CDH8: variants seen among roughly 807,000 people sequenced by gnomAD.
CDH8 encodes cadherin 8.
CDH8 carries 17 observed loss-of-function variants against 68.1 expected under a neutral mutation model. The ratio of observed to expected loss-of-function variants is 0.25; its 90% CI spans 0.17 to 0.37. The LOEUF is 0.37. Ranked by LOEUF, CDH8 falls within the 10% of genes least tolerant of loss-of-function variation. The pLI is 1.00. For missense variants in CDH8, 763 were observed against 999.3 expected, an observed-to-expected ratio of 0.76 and a Z score of 3.19; for synonymous variants, 372 against 365.1, an observed-to-expected ratio of 1.02 and a Z score of -0.21.
At chr16:61,984,871 C>T (rs1965600014) in intron 2 of CDH8, among the ~76,000 whole-genome samples, 1 of 151,970 alleles carries the variant, frequency 6.6e-6, no homozygotes, top group Non-Finnish European at 1.5e-5. Context: ...ATATTTTTTC[C>T]ATATAGATAA....
intron 10 of CDH8, among the ~76,000 whole-genome samples, chr16:61,682,077 A>G (rs1049870776): frequency 1.3e-5 from 2 of 151,948 alleles, no homozygotes; most frequent in Non-Finnish European, 2.9e-5. Context: ...CTGCTGTTCA[A>G]CTTACTCTTC....
In CDH8 at chr16:61,713,914, G is replaced by A. The variant is rs374744513; in HGVS notation, c.1581C>T (p.Asn527=). 7.7e-5 allele frequency: 124 copies of A among 1,609,214 alleles called. No individual in the cohort carries two copies. Among genetic ancestry groups the A allele is most frequent in the Middle Eastern group, 1.6e-4 (1 of 6,062 alleles). ...VSAMDKDDPK[N]GHYFLYSLLP... ...GGAGACTGTATAAGAAATAATGTCC[G>A]TTTTTGGGATCATCTTTGTCCATGG... is the stretch of plus-strand genomic sequence containing the variant. The change falls in exon 10 of 12, where the codon AAC becomes AAT. Residue 527 remains asparagine (N), a synonymous_variant. Coordinates refer to ENST00000577390, the MANE Select transcript of CDH8 (RefSeq NM_001796.5).
chr16:61,709,270 A>G (rs1964585861), intron 10 of CDH8, among the ~76,000 whole-genome samples: 1 of 152,094 alleles, frequency 6.6e-6, no homozygotes, highest in Non-Finnish European at 1.5e-5. Flanking sequence ...TGCTATGTAT[A>G]TCAGCATATA....
Position 61,665,671 on chromosome 16 carries a change from G to GA in CDH8, c.1655-9951dup, listed in dbSNP as rs199890584. Reference sequence around the variant, plus strand: ...TGTATCCCAGAACTTTAAGTTTAAAGAAAAAAAAACAGATAGACTGTGCCT... The same window carrying GA: ...TGTATCCCAGAACTTTAAGTTTAAAGAAAAAAAAAACAGATAGACTGTGCCT... On this transcript the variant is annotated intron_variant, in intron 10 of 11. Transcript: ENST00000577390. Among the ~76,000 whole-genome samples the GA allele has an allele frequency of 2.8e-3, 413 of 148,948 alleles. 2 individuals are homozygous for GA. Among genetic ancestry groups the GA allele is most frequent in the African/African-American group, 9.1e-3 (371 of 40,656 alleles).
intron 7 of CDH8, among the ~76,000 whole-genome samples, chr16:61,798,763 A>C (rs1354322474): frequency 6.6e-6 from 1 of 152,226 alleles, no homozygotes; most frequent in African/African-American, 2.4e-5. Context: ...GAAGTGAAGA[A>C]GTCTTGAAGA....
At chr16:61,914,247 C>G (rs925946320) in intron 2 of CDH8, among the ~76,000 whole-genome samples, 1 of 152,152 alleles carries the variant, frequency 6.6e-6, no homozygotes, top group Admixed American at 6.5e-5. Flanking sequence ...CTTAAGTCAC[C>G]CAGTCTGTGG....
At chr16:61,998,003 A>G (rs1428581713) in intron 2 of CDH8, among the ~76,000 whole-genome samples, 1 of 152,192 alleles carries the variant, frequency 6.6e-6, no homozygotes, top group East Asian at 1.9e-4. Context: ...AACTGACAAA[A>G]TTTTTATGAA....
At chr16:61,763,874 C>T (rs1007390259) in intron 8 of CDH8, among the ~76,000 whole-genome samples, 1 of 151,968 alleles carries the variant, frequency 6.6e-6, no homozygotes, top group Non-Finnish European at 1.5e-5. Flanking sequence ...AAGGTTATAC[C>T]TGTAAGAGCA....
chr16:61,808,368 A>G (rs1204494242), intron 7 of CDH8, among the ~76,000 whole-genome samples: 1 of 152,220 alleles, frequency 6.6e-6, no homozygotes, highest in Non-Finnish European at 1.5e-5. Context: ...ATAGAAATTT[A>G]TAATAAAACC....
intron 2 of CDH8, among the ~76,000 whole-genome samples, chr16:61,931,558 G>A (rs1247839012): frequency 6.6e-6 from 1 of 152,070 alleles, no homozygotes; most frequent in Non-Finnish European, 1.5e-5. Flanking sequence ...TAAGCAGTAT[G>A]TTGCTCTTGT....
At chr16:61,884,985 AG>A (rs1419558727) in intron 3 of CDH8, among the ~76,000 whole-genome samples, 1 of 152,190 alleles carries the variant, frequency 6.6e-6, no homozygotes, top group Non-Finnish European at 1.5e-5. Flanking sequence ...AGGAAAAAAA[AG>A]GAGGGATGGT....
intron 2 of CDH8, among the ~76,000 whole-genome samples, chr16:62,015,391 G>A (rs1901911266): frequency 6.6e-6 from 1 of 152,030 alleles, no homozygotes; most frequent in African/African-American, 2.4e-5. Context: ...AACATGTGGG[G>A]CATGTGTGTG....
intron 7 of CDH8, among the ~76,000 whole-genome samples, chr16:61,796,110 A>G (rs750207691): frequency 2.2e-4 from 33 of 151,948 alleles, no homozygotes; most frequent in Admixed American, 4.6e-4. Context: ...TGTGTGAAAC[A>G]TAGTACTAAA....
intron 2 of CDH8, among the ~76,000 whole-genome samples, chr16:61,928,063 A>G (rs1233828664): frequency 6.6e-6 from 1 of 152,232 alleles, no homozygotes; most frequent in Non-Finnish European, 1.5e-5. Context: ...CTAGAAATTA[A>G]AAGTCCTATG....
chr16:61,781,232 C>T lies in CDH8; in HGVS notation c.1414+8114G>A, dbSNP rs534454413. On this transcript the variant is annotated intron_variant, in intron 8 of 11. Transcript: ENST00000577390. ...CCTGAAATGTTTCTTAAGCCAAGCTCTGTGTATTCATTGCTTTGAGTACAT... is the reference window on the plus strand; with the variant it reads ...CCTGAAATGTTTCTTAAGCCAAGCTTTGTGTATTCATTGCTTTGAGTACAT... 2.0e-5 allele frequency among the ~76,000 whole-genome samples: 3 copies of T among 152,308 alleles called. No homozygotes were observed. The East Asian group carries it at 5.8e-4, about 29-fold the overall frequency.
At chr16:61,768,340 C>CCCTT (rs1960657719) in intron 8 of CDH8, among the ~76,000 whole-genome samples, 1 of 109,822 alleles carries the variant, frequency 9.1e-6, no homozygotes, top group African/African-American at 3.8e-5. Context: ...CTCTCTCTCT[C>CCCTT]TCTCTCTCTC....
intron 8 of CDH8, among the ~76,000 whole-genome samples, chr16:61,739,853 C>A (rs1266706561): frequency 7.0e-6 from 1 of 142,292 alleles, no homozygotes; most frequent in Non-Finnish European, 1.5e-5. Flanking sequence ...CACACAGGTT[C>A]TCTTTAATAT....
chr16:61,912,144 A>G (rs1964172410), intron 2 of CDH8, among the ~76,000 whole-genome samples: 1 of 152,120 alleles, frequency 6.6e-6, no homozygotes, highest in African/African-American at 2.4e-5. Flanking sequence ...ACAGTCATCT[A>G]CTATGAAATT....
intron 2 of CDH8, among the ~76,000 whole-genome samples, chr16:62,006,195 G>C (rs923148197): frequency 4.6e-5 from 7 of 152,178 alleles, no homozygotes; most frequent in Admixed American, 3.9e-4. Flanking sequence ...CTGGGTTATT[G>C]GGATGATCAA....
Sources: gnomAD v4.1 joint callset for allele counts (sites outside exome capture counted in the v4.1 genomes callset) on GRCh38, gnomAD v4.1.1 for gene constraint, MANE v1.5 for transcripts, NCBI Gene and HGNC (gene_info 2026-07-23, HGNC 2026-07-21) for gene names.